RPH3A: variants seen among roughly 807,000 people sequenced by gnomAD.
RPH3A encodes rabphilin 3A, also known as rabphilin-3A.
Under a neutral mutation model 102.2 loss-of-function variants are expected in RPH3A, and 48 were observed. The ratio of observed to expected loss-of-function variants is 0.47; its 90% confidence interval spans 0.37 to 0.60. The LOEUF is 0.60. Among genes scored for constraint, RPH3A ranks in the 20% least tolerant of loss-of-function variants. The probability of loss-of-function intolerance (pLI) is 0.00; values close to 1 mark genes in which losing one functional copy is unlikely to be tolerated. For missense variants in RPH3A, 781 were observed against 910.1 expected, an observed-to-expected ratio of 0.86 and a Z score of 1.83; for synonymous variants, 310 against 324.3, an observed-to-expected ratio of 0.96 and a Z score of 0.47.
chr12:112,655,678 C>A (rs190044173), intron 1 of RPH3A, among the ~76,000 whole-genome samples: 1 of 141,514 alleles, frequency 7.1e-6, no homozygotes, highest in East Asian at 2.3e-4. Context: ...CCCAGCGATT[C>A]TGGTGCCTCA....
At chr12:112,881,700 T>C (rs1211456706) in intron 14 of RPH3A, 72 bp from the exon 15 acceptor site, 2 of 1,063,720 alleles carry the variant, frequency 1.9e-6, no homozygotes, top group African/African-American at 3.2e-5. Context: ...CCAGGGGCTA[T>C]GCCCATTGCC....
chr12:112,645,367 T>C (rs1398380948), intron 1 of RPH3A, among the ~76,000 whole-genome samples: 2 of 152,246 alleles, frequency 1.3e-5, no homozygotes, highest in Admixed American at 6.5e-5. Flanking sequence ...GATGTCCTTA[T>C]CTATGTGGCT....
chr12:112,851,156 CT>C lies in RPH3A; in HGVS notation c.230+3316del, dbSNP rs576154556. ...TTATTAAGCACTTACTAGGTATGTG[CT>C]TAACTCATTAACTGCTCCTCTCAAC... On this transcript the variant is annotated intron_variant, in intron 5 of 21. Transcript: ENST00000389385. Among the ~76,000 whole-genome samples the C allele has an allele frequency of 2.8e-3, 430 of 152,268 alleles. 2 individuals are homozygous for C. Among genetic ancestry groups the C allele is most frequent in the Non-Finnish European group, 4.3e-3 (293 of 68,018 alleles).
chr12:112,738,689 G>C (rs1200956721), intron 1 of RPH3A, among the ~76,000 whole-genome samples: 1 of 152,144 alleles, frequency 6.6e-6, no homozygotes, highest in Non-Finnish European at 1.5e-5. Flanking sequence ...AAGAGCAGAT[G>C]ACTCACCGGA....
At chr12:112,811,414 C>G (rs1303282633) in intron 2 of RPH3A, among the ~76,000 whole-genome samples, 2 of 152,146 alleles carry the variant, frequency 1.3e-5, no homozygotes, top group South Asian at 2.1e-4. Context: ...AGGCAAATCA[C>G]AGCCTTCCTG....
chr12:112,800,357 G>A (rs539061136), intron 2 of RPH3A, among the ~76,000 whole-genome samples: 2 of 152,316 alleles, frequency 1.3e-5, no homozygotes, highest in East Asian at 3.9e-4. Flanking sequence ...GGGACAGACA[G>A]TCGGCTGGTG....
chr12:112,867,515 T>C (rs2042631627), intron 7 of RPH3A, among the ~76,000 whole-genome samples: 1 of 152,140 alleles, frequency 6.6e-6, no homozygotes, highest in Admixed American at 6.5e-5. Flanking sequence ...AAGGGCTTGA[T>C]GAAGGTGTTA....
At chr12:112,819,933 C>T (rs1349874138) in intron 2 of RPH3A, among the ~76,000 whole-genome samples, 4 of 152,202 alleles carry the variant, frequency 2.6e-5, no homozygotes, top group Admixed American at 2.6e-4. Context: ...TTCTACTGTC[C>T]CGTTGGCCAC....
intron 1 of RPH3A, among the ~76,000 whole-genome samples, chr12:112,763,824 C>T (rs986123353): frequency 6.6e-6 from 1 of 152,108 alleles, no homozygotes; most frequent in Admixed American, 6.5e-5. Context: ...CCCTTAGCTG[C>T]GAGAAGGGTT....
chr12:112,744,593 G>T (rs767144259), intron 1 of RPH3A, among the ~76,000 whole-genome samples: 1 of 152,158 alleles, frequency 6.6e-6, no homozygotes, highest in Non-Finnish European at 1.5e-5. Flanking sequence ...ATTTGTGTGT[G>T]CCAGAGACTA....
intron 1 of RPH3A, among the ~76,000 whole-genome samples, chr12:112,773,538 T>C (rs1181685042): frequency 6.6e-6 from 1 of 152,220 alleles, no homozygotes; most frequent in Non-Finnish European, 1.5e-5. Context: ...AAATTAGTTT[T>C]CATTTGCTAC....
At chr12:112,748,909 C>G (rs2040766334) in intron 1 of RPH3A, among the ~76,000 whole-genome samples, 1 of 151,834 alleles carries the variant, frequency 6.6e-6, no homozygotes, top group Non-Finnish European at 1.5e-5. Context: ...TGCCAATTCC[C>G]AAGATTTAAA....
At chr12:112,849,195 T>C (rs1189271689) in intron 5 of RPH3A, among the ~76,000 whole-genome samples, 1 of 152,094 alleles carries the variant, frequency 6.6e-6, no homozygotes, top group East Asian at 1.9e-4. Flanking sequence ...CTGCAGATAA[T>C]TGCACTCAGG....
At chr12:112,655,869 A>G (rs74451000) in intron 1 of RPH3A, among the ~76,000 whole-genome samples, 1,822 of 152,184 alleles carry the variant, frequency 0.012, 34 homozygotes, top group African/African-American at 0.041. Context: ...TACCACGCCC[A>G]GTCCCATTTT....
At chr12:112,798,939 A>C (rs535995557) in intron 2 of RPH3A, among the ~76,000 whole-genome samples, 46 of 150,828 alleles carry the variant, frequency 3.0e-4, no homozygotes, top group African/African-American at 1.0e-3. Flanking sequence ...TGCCTTCCTC[A>C]TCTCATCTTT....
Position 112,885,142 on chromosome 12 carries a change from G to T in RPH3A, c.1436+1740G>T, listed in dbSNP as rs1436917473. Among the ~76,000 whole-genome samples, 3 of 152,108 alleles carry T rather than the reference G, an allele frequency of 2.0e-5. No homozygotes were observed. In the East Asian group the frequency reaches 5.8e-4, roughly 29 times the overall value. ...ATGTATTTGGGTGGTTTCTAGTTTGGGGCTATTACAAATAGTGCTGCTAGG... is the reference window on the plus strand; with the variant it reads ...ATGTATTTGGGTGGTTTCTAGTTTGTGGCTATTACAAATAGTGCTGCTAGG... On this transcript the variant is annotated intron_variant, in intron 16 of 21. Transcript: ENST00000389385.
Position 112,728,805 on chromosome 12 carries a change from T to C in RPH3A, c.-139-63338T>C, listed in dbSNP as rs185257890. On this transcript the variant is annotated intron_variant, in intron 1 of 21. Coordinates refer to the RPH3A transcript ENST00000543106. ...GGAGCATGGCTCACAAACCAACTTCTTAACAGGGGAGGGGTGAGGGGGTTA... is the reference window on the plus strand; with the variant it reads ...GGAGCATGGCTCACAAACCAACTTCCTAACAGGGGAGGGGTGAGGGGGTTA... Among the ~76,000 whole-genome samples the C allele has an allele frequency of 2.9e-3, 438 of 152,250 alleles. 2 individuals are homozygous for C. Among genetic ancestry groups the C allele is most frequent in the Non-Finnish European group, 5.2e-3 (357 of 68,034 alleles).
At chr12:112,894,348 G>A (rs755484942) in intron 19 of RPH3A, 6 of 538,372 alleles carry the variant, frequency 1.1e-5, no homozygotes, top group Non-Finnish European at 1.6e-5. Context: ...TGTAAACTGA[G>A]TGGTTGTGGT....
chr12:112,890,735 C>T, intron 18 of RPH3A, 114 bp from the exon 19 acceptor site: 1 of 1,210,018 alleles, frequency 8.3e-7, no homozygotes, highest in Non-Finnish European at 1.2e-6. Context: ...GTACTGGCTC[C>T]CTAGAGCTGG....
Sources: allele counts gnomAD v4.1 joint callset (sites outside exome capture counted in the v4.1 genomes callset), GRCh38; gene constraint gnomAD v4.1.1; transcripts MANE v1.5; gene names NCBI Gene and HGNC (gene_info 2026-07-23, HGNC 2026-07-21).